The following CTH variants were observed in gnomAD, a reference collection of about 807,000 sequenced individuals.
CTH encodes the protein cystathionine gamma-lyase.
CTH carries 41 observed loss-of-function variants against 50.6 expected under a neutral mutation model. That is an observed-to-expected ratio of 0.81 (90% CI 0.63 to 1.05). The LOEUF is 1.05. Among genes scored for constraint, CTH ranks in the 50% least tolerant of loss-of-function variants. The pLI is 0.00. For missense variants in CTH, 470 were observed against 492.6 expected (o/e 0.95, Z 0.43); for synonymous variants, 156 against 168.9 (o/e 0.92, Z 0.59).
rs1406866445 is a variant in CTH at position 70,431,597 on chromosome 1, C to T, written c.725-486C>T. 2.0e-5 allele frequency among the ~76,000 whole-genome samples: 3 copies of T among 152,052 alleles called. No homozygotes were observed. In the East Asian group the frequency reaches 5.8e-4, roughly 29 times the overall value. ...CTGAAACTTATTGCTTGATAAGTGT[C>T]CTTTGGTTTATAAAAAGTAGAAATG... On this transcript the variant is annotated intron_variant, in intron 7 of 11. Transcript: ENST00000370938.
chr1:70,415,185 G>C (rs1019569673), intron 1 of CTH, among the ~76,000 whole-genome samples: 1 of 152,150 alleles, frequency 6.6e-6, no homozygotes, highest in African/African-American at 2.4e-5. Flanking sequence ...AAGATTGCTT[G>C]AGGTCAGGAG....
At chr1:70,416,198 T>C (rs1572252417) in intron 2 of CTH, among the ~76,000 whole-genome samples, 161 bp downstream of exon 2, 2 of 152,310 alleles carry the variant, frequency 1.3e-5, no homozygotes, top group East Asian at 3.9e-4. Flanking sequence ...GTTGGTATAA[T>C]ATGCATATGT....
At chr1:70,430,081 A>G (rs1684430592) in intron 6 of CTH, among the ~76,000 whole-genome samples, 2 of 152,176 alleles carry the variant, frequency 1.3e-5, no homozygotes, top group African/African-American at 4.8e-5. Context: ...TTATGCTTTT[A>G]TCTTGCTGAC....
At position 70,438,771 on chromosome 1, in the gene CTH, G is replaced by A; in HGVS notation, c.1136G>A (p.Gly379Asp). 6.2e-7 allele frequency: 1 copy of A among 1,613,822 alleles called. No homozygotes were observed. The highest frequency in any genetic ancestry group is 8.5e-7 in the Non-Finnish European group (1 of 1,179,986). ...GACACACTGATTCGACTTTCTGTGG[G>A]CTTAGAGGATGAGGAAGACCTACTG... ...ISDTLIRLSV[G>D]LEDEEDLLED... The change falls in exon 11 of 12, where the codon GGC (glycine) becomes GAC (aspartate). Residue 379 changes from glycine (G) to aspartate (D), a missense_variant. Coordinates refer to ENST00000370938, the MANE Select transcript of CTH (RefSeq NM_001902.6).
At chr1:70,418,531 C>G (rs767016019) in intron 3 of CTH, among the ~76,000 whole-genome samples, 1 of 152,126 alleles carries the variant, frequency 6.6e-6, no homozygotes, top group Non-Finnish European at 1.5e-5. Context: ...ATTACGGGCG[C>G]GAGCCGCCTC....
rs1684554809 is a variant in CTH, at chr1:70,434,666, G to C, written c.1000-459G>C. On this transcript the variant is annotated intron_variant, in intron 9 of 11. Transcript: ENST00000370938. ...TTTCATAAGTGATATATATTAACAA[G>C]GAAGTATGTATAACTTGGGAAGCAT... Among the ~76,000 whole-genome samples, 3 of 151,192 alleles carry C rather than the reference G, an allele frequency of 2.0e-5. No homozygotes were observed. The South Asian group carries it at 6.3e-4, about 32-fold the overall frequency.
intron 1 of CTH, 44 bp from the exon 2 acceptor site, chr1:70,415,912 T>A (rs762799452): frequency 1.0e-5 from 11 of 1,056,154 alleles, no homozygotes. Context: ...ACTCTGATAA[T>A]AAACTGAAAT....
At chr1:70,434,255 A>G (rs1317777586) in intron 9 of CTH, among the ~76,000 whole-genome samples, 1 of 152,234 alleles carries the variant, frequency 6.6e-6, no homozygotes, top group African/African-American at 2.4e-5. Flanking sequence ...AGTAGTGTGC[A>G]GTTAGTGCAC....
intron 5 of CTH, among the ~76,000 whole-genome samples, chr1:70,425,434 C>A (rs773438483): frequency 6.6e-6 from 1 of 152,188 alleles, no homozygotes; most frequent in Non-Finnish European, 1.5e-5. Flanking sequence ...ATAGATGGAG[C>A]CTTCTCGCTG....
At chr1:70,421,878 T>C (rs1028531546) in intron 4 of CTH, among the ~76,000 whole-genome samples, 2 of 152,240 alleles carry the variant, frequency 1.3e-5, no homozygotes, top group East Asian at 3.8e-4. Context: ...AGAATTCAAA[T>C]TGTGATTCTG....
rs1313651199 is a variant in CTH at position 70,429,816 on chromosome 1, A to G, written c.611A>G (p.Asp204Gly). 1.2e-6 allele frequency: 2 copies of G among 1,613,206 alleles called. No individual in the cohort carries two copies. The highest frequency in any genetic ancestry group is 1.3e-5 in the African/African-American group (1 of 74,942). Residue 204 changes from aspartate (D) to glycine (G), a missense_variant, in exon 6 of 12, where the codon GAT (aspartate) becomes GGT (glycine). Transcript: ENST00000370938. ...CAGCGCCCTTTGGCTCTGGGAGCTG[A>G]TATTTCTATGTATTCTGCAACAAAA... is the stretch of plus-strand genomic sequence containing the variant. The part of the protein sequence containing the change: ...YFQRPLALGA[D>G]ISMYSATKYM...
At chr1:70,413,004 T>TAAAA in intron 1 of CTH, among the ~76,000 whole-genome samples, 1 of 152,146 alleles carries the variant, frequency 6.6e-6, no homozygotes, top group Non-Finnish European at 1.5e-5. Context: ...TTCCCCCTTT[T>TAAAA]GGTGGCATAC....
At position 70,438,710 on chromosome 1, in the gene CTH, G is replaced by T. The variant is rs1684650943; in HGVS notation, c.1075G>T (p.Val359Phe). 6.2e-7 allele frequency: 1 copy of T among 1,613,978 alleles called. No homozygotes were observed. Among genetic ancestry groups the T allele is most frequent in the South Asian group, 1.1e-5 (1 of 91,088 alleles). The change falls in exon 11 of 12, where the codon GTT becomes TTT. Residue 359 changes from valine (V) to phenylalanine (F), a missense_variant. Physicochemically the swap from Val to Phe is conservative, Grantham distance 50. Coordinates refer to ENST00000370938, the MANE Select transcript of CTH (RefSeq NM_001902.6). ...CAGGGCAATCATGACTCATGCATCA[G>T]TTCTTAAGAATGACAGAGATGTCCT... ...ELPAIMTHAS[V>F]LKNDRDVLGI...
intron 4 of CTH, among the ~76,000 whole-genome samples, chr1:70,423,601 AAT>A (rs1457511805): frequency 6.6e-6 from 1 of 152,022 alleles, no homozygotes; most frequent in East Asian, 1.9e-4. Flanking sequence ...AATTCAGTAC[AAT>A]GGCATTTCGT....
At chr1:70,426,548 C>T (rs1056092301) in intron 5 of CTH, among the ~76,000 whole-genome samples, 4 of 152,208 alleles carry the variant, frequency 2.6e-5, no homozygotes, top group Non-Finnish European at 4.4e-5. Context: ...TCACCTTCCT[C>T]CATTTTATTC....
intron 1 of CTH, 98 bp downstream of exon 1, chr1:70,411,681 T>C: frequency 1.3e-6 from 2 of 1,506,286 alleles, no homozygotes; most frequent in Admixed American, 2.4e-5. Context: ...ATATGACTTA[T>C]AAATTAGGAA....
intron 10 of CTH, among the ~76,000 whole-genome samples, chr1:70,437,508 T>C (rs1684622659): frequency 6.6e-6 from 1 of 152,072 alleles, no homozygotes; most frequent in Non-Finnish European, 1.5e-5. Flanking sequence ...GATAAGGAAA[T>C]AGGCACTGAG....
chr1:70,425,238 T>C (rs1458540135), intron 5 of CTH, among the ~76,000 whole-genome samples: 3 of 152,222 alleles, frequency 2.0e-5, no homozygotes, highest in Non-Finnish European at 4.4e-5. Flanking sequence ...TTACTTTATT[T>C]ATTTTACATT....
At chr1:70,436,828 A>G (rs1348964025) in intron 10 of CTH, among the ~76,000 whole-genome samples, 1 of 152,224 alleles carries the variant, frequency 6.6e-6, no homozygotes, top group Non-Finnish European at 1.5e-5. Context: ...TGAAATGTGT[A>G]TTACGTTAAG....
Sources: gnomAD v4.1 joint callset for allele counts (sites outside exome capture counted in the v4.1 genomes callset) on GRCh38, gnomAD v4.1.1 for gene constraint, MANE v1.5 for transcripts, NCBI Gene and HGNC (gene_info 2026-07-23, HGNC 2026-07-21) for gene names.